Variants in PVT1 observed in about 807,000 individuals in gnomAD.
The protein encoded by PVT1 is CXCR4/PVT1 fusion.
chr8:127,947,679 C>T (rs911590257), intron 3 of PVT1: 1 of 456,120 alleles, frequency 2.2e-6, no homozygotes, highest in Admixed American at 2.3e-5. Flanking sequence ...CCTCTCTGGA[C>T]ATGGCCAGCT....
At chr8:127,907,613 A>C (rs1815839057) in intron 3 of PVT1, among the ~76,000 whole-genome samples, 1 of 152,140 alleles carries the variant, frequency 6.6e-6, no homozygotes, top group Non-Finnish European at 1.5e-5. Flanking sequence ...AACACCACTG[A>C]AATAGTTCAG....
intron 4 of PVT1, among the ~76,000 whole-genome samples, chr8:128,014,880 G>A (rs1020522217): frequency 2.6e-5 from 4 of 152,006 alleles, no homozygotes; most frequent in Admixed American, 2.6e-4. Flanking sequence ...GGACTCTAGG[G>A]GCACTTAAGC....
At chr8:127,941,335 G>A (rs1816346973) in intron 3 of PVT1, among the ~76,000 whole-genome samples, 2 of 152,222 alleles carry the variant, frequency 1.3e-5, no homozygotes, top group Admixed American at 6.5e-5. Flanking sequence ...CATCTAGGAA[G>A]TTCTATTGCC....
intron 3 of PVT1, among the ~76,000 whole-genome samples, chr8:127,901,670 C>G (rs1205206662): frequency 1.3e-5 from 2 of 152,006 alleles, no homozygotes; most frequent in African/African-American, 4.8e-5. Context: ...CCTTGGCCTC[C>G]CAAAGTGCTG....
intron 4 of PVT1, among the ~76,000 whole-genome samples, chr8:128,061,423 T>G (rs1813828798): frequency 6.6e-6 from 1 of 152,216 alleles, no homozygotes; most frequent in East Asian, 1.9e-4. Context: ...GGGTTGTTTC[T>G]TTGGGGGTGG....
intron 3 of PVT1, among the ~76,000 whole-genome samples, chr8:127,966,773 C>G (rs1407465603): frequency 6.6e-6 from 1 of 152,200 alleles, no homozygotes; most frequent in Non-Finnish European, 1.5e-5. Context: ...CAAGTGTGAG[C>G]CACAATGGGA....
intron 2 of PVT1, among the ~76,000 whole-genome samples, chr8:127,809,029 C>CAAAAAAA (rs1158760672): frequency 0.01 from 281 of 27,802 alleles, 1 homozygote; most frequent in Non-Finnish European, 0.012. Flanking sequence ...GATTCCATCT[C>CAAAAAAA]AAAAAAAAAA....
chr8:128,092,500 C>T lies in PVT1; in HGVS notation n.1115-4018C>T, dbSNP rs1814370408. Among the ~76,000 whole-genome samples, 3 of 152,218 alleles carry T rather than the reference C, an allele frequency of 2.0e-5. No individual in the cohort carries two copies. In the South Asian group the frequency reaches 6.2e-4, roughly 32 times the overall value. ...ATTGGCCCCTGGACAGCTGTTCACT[C>T]CCTTCTCAGGCTTGCTGGGGACACA... On this transcript the variant is annotated intron_variant and non_coding_transcript_variant, in intron 5 of 10. Coordinates refer to ENST00000651587, the Ensembl canonical transcript of PVT1.
chr8:128,093,509 A>G (rs1814386990), intron 5 of PVT1, among the ~76,000 whole-genome samples: 1 of 151,592 alleles, frequency 6.6e-6, no homozygotes, highest in Non-Finnish European at 1.5e-5. Flanking sequence ...GTGAACTGAG[A>G]TCGCGCCATT....
At chr8:128,023,936 G>T (rs1563668442) in intron 4 of PVT1, among the ~76,000 whole-genome samples, 1 of 152,158 alleles carries the variant, frequency 6.6e-6, no homozygotes, top group Non-Finnish European at 1.5e-5. Flanking sequence ...TTTGCTCTAC[G>T]CCAGGCACTT....
chr8:127,989,113 T>A (rs1817002113), intron 3 of PVT1: 1 of 152,210 alleles, frequency 6.6e-6, no homozygotes. Context: ...ACCAAATCTA[T>A]TCAAGGTAAA....
intron 2 of PVT1, among the ~76,000 whole-genome samples, chr8:127,805,445 GT>G (rs1325401381): frequency 6.6e-6 from 1 of 152,058 alleles, no homozygotes; most frequent in African/African-American, 2.4e-5. Flanking sequence ...AAATATTGTG[GT>G]TCATGAGATT....
chr8:127,955,046 G>C (rs1454129286), intron 3 of PVT1, among the ~76,000 whole-genome samples: 1 of 152,206 alleles, frequency 6.6e-6, no homozygotes, highest in African/African-American at 2.4e-5. Context: ...ACATGTTGAA[G>C]TCCTAGTGCC....
At chr8:128,098,897 T>A (rs1296444294) in intron 6 of PVT1, among the ~76,000 whole-genome samples, 2 of 152,154 alleles carry the variant, frequency 1.3e-5, no homozygotes, top group Non-Finnish European at 2.9e-5. Context: ...CAAGAGTGAG[T>A]CCTGCACTGA....
intron 3 of PVT1, among the ~76,000 whole-genome samples, chr8:127,964,080 A>G (rs1816677178): frequency 6.6e-6 from 1 of 152,246 alleles, no homozygotes; most frequent in South Asian, 2.1e-4. Flanking sequence ...AAGGAGTGCC[A>G]TGACGACGAT....
intron 4 of PVT1, among the ~76,000 whole-genome samples, chr8:128,009,344 G>T (rs1482282978): frequency 6.6e-6 from 1 of 152,090 alleles, no homozygotes; most frequent in African/African-American, 2.4e-5. Context: ...CTACAAAAAA[G>T]TCCTATTCTA....
intron 3 of PVT1, among the ~76,000 whole-genome samples, chr8:127,982,840 C>G (rs1427028458): frequency 6.6e-6 from 1 of 152,164 alleles, no homozygotes; most frequent in East Asian, 1.9e-4. Flanking sequence ...CCCTGGGACA[C>G]AGTTGTTGCA....
intron 3 of PVT1, among the ~76,000 whole-genome samples, chr8:127,973,841 G>A (rs1432944162): frequency 7.9e-5 from 12 of 151,932 alleles, no homozygotes; most frequent in Non-Finnish European, 1.3e-4. Flanking sequence ...TTAGCCGGGC[G>A]TGGTGGTGGA....
intron 4 of PVT1, among the ~76,000 whole-genome samples, chr8:128,046,075 A>G (rs1813608305): frequency 1.3e-5 from 2 of 152,196 alleles, no homozygotes; most frequent in Non-Finnish European, 2.9e-5. Flanking sequence ...ACTATTTCAG[A>G]TGTAGTTCCA....
Sources: gnomAD v4.1 joint callset for allele counts (sites outside exome capture counted in the v4.1 genomes callset) on GRCh38, gnomAD v4.1.1 for gene constraint, MANE v1.5 for transcripts, NCBI Gene and HGNC (gene_info 2026-07-23, HGNC 2026-07-21) for gene names.